The following CSNK1E variants were observed in gnomAD, a reference collection of about 807,000 sequenced individuals.
CSNK1E encodes casein kinase 1 epsilon.
Under a neutral mutation model 46.1 loss-of-function variants are expected in CSNK1E, and 17 were observed. That is an observed-to-expected ratio of 0.37 (90% CI 0.25 to 0.55). CSNK1E has a LOEUF of 0.55. CSNK1E is among the 20% of genes least tolerant of loss of function. The pLI, the probability that CSNK1E is intolerant of heterozygous loss-of-function variation, is 0.82. For missense variants in CSNK1E, 386 were observed against 595.4 expected, an observed-to-expected ratio of 0.65 and a Z score of 3.66; for synonymous variants, 241 against 242.6, an observed-to-expected ratio of 0.99 and a Z score of 0.06.
rs2092632258 is a variant in CSNK1E at position 38,294,974 on chromosome 22, C to G, written c.886-440G>C. Among the ~76,000 whole-genome samples the G allele has an allele frequency of 1.3e-5, 2 of 152,116 alleles. No homozygotes were observed. ...CCTCTAGCAGACTGGCTAGGGGTGT[C>G]CAGAGGGGGAAAAGAACAGGCCCAG... On this transcript the variant is annotated intron_variant, in intron 7 of 10. Coordinates refer to ENST00000396832, the MANE Select transcript of CSNK1E (RefSeq NM_152221.3). The surrounding 1 kb of genome is among the most constrained non-coding windows in gnomAD (Gnocchi z 5.5).
chr22:38,314,437 A>C (rs2092734621), intron 1 of CSNK1E, among the ~76,000 whole-genome samples: 1 of 152,136 alleles, frequency 6.6e-6, no homozygotes, highest in South Asian at 2.1e-4. Context: ...CCCTCAAAAG[A>C]AGCTTCTCAA....
In CSNK1E at chr22:38,294,591, C is replaced by T; in HGVS notation, c.886-57G>A. On this transcript the variant is annotated intron_variant, in intron 7 of 10. Transcript: ENST00000396832. The surrounding 1 kb of genome is among the most constrained non-coding windows in gnomAD (Gnocchi z 5.5). Reference sequence around the variant, plus strand: ...CCCCAGAGGCCAGGGTGCTCTGGGCCCAGCAGCCCTGCAGGGCACAGAAGG... The same window carrying T: ...CCCCAGAGGCCAGGGTGCTCTGGGCTCAGCAGCCCTGCAGGGCACAGAAGG... The T allele has an allele frequency of 6.7e-7, 1 of 1,494,830 alleles. No individual in the cohort carries two copies. Among genetic ancestry groups the T allele is most frequent in the Non-Finnish European group, 9.0e-7 (1 of 1,116,676 alleles). 92.6% of individuals were successfully genotyped at this position (1,494,830 alleles called of 1,614,324 possible). A position where few individuals can be genotyped will look rare whatever the true frequency, so the allele number is the denominator to read the frequency against.
chr22:38,293,259 G>A lies in CSNK1E; in HGVS notation c.*28C>T. The A allele has an allele frequency of 6.2e-7, 1 of 1,612,740 alleles. No individual in the cohort carries two copies. Among genetic ancestry groups the A allele is most frequent in the Non-Finnish European group, 8.5e-7 (1 of 1,179,408 alleles). ...CTGCAGCAGTCATGGACTCACCTAAGCAAACACTGGTCCAATGGGGGCTCT... is the reference window on the plus strand; with the variant it reads ...CTGCAGCAGTCATGGACTCACCTAAACAAACACTGGTCCAATGGGGGCTCT... On this transcript the variant is annotated 3_prime_UTR_variant, in exon 10 of 11. Coordinates refer to ENST00000396832, the MANE Select transcript of CSNK1E (RefSeq NM_152221.3).
At chr22:38,304,469 C>T (rs2092689139) in intron 2 of CSNK1E, among the ~76,000 whole-genome samples, 1 of 152,148 alleles carries the variant, frequency 6.6e-6, no homozygotes, top group South Asian at 2.1e-4. Context: ...TAAACAAACG[C>T]TCGCCCAAGC....
chr22:38,314,584 G>A (rs1374421274), intron 1 of CSNK1E, among the ~76,000 whole-genome samples: 1 of 152,214 alleles, frequency 6.6e-6, no homozygotes, highest in African/African-American at 2.4e-5. Flanking sequence ...GGAGAAAGTC[G>A]CATCCCCTAC....
At chr22:38,304,715 CT>C (rs2092690144) in intron 2 of CSNK1E, among the ~76,000 whole-genome samples, 1 of 152,214 alleles carries the variant, frequency 6.6e-6, no homozygotes, top group South Asian at 2.1e-4. Context: ...CAACAAACAT[CT>C]GTCACAGATG....
At chr22:38,311,308 T>C (rs1051716413) in intron 2 of CSNK1E, among the ~76,000 whole-genome samples, 15 of 152,274 alleles carry the variant, frequency 9.9e-5, no homozygotes, top group African/African-American at 3.4e-4. Flanking sequence ...CACCCAAACC[T>C]AGGTCGAATT....
At chr22:38,301,439 A>AT (rs963378902) in intron 4 of CSNK1E, among the ~76,000 whole-genome samples, 18 of 148,096 alleles carry the variant, frequency 1.2e-4, no homozygotes, top group South Asian at 2.2e-4. Flanking sequence ...TTCCTTTGAT[A>AT]TTTTTTTTTT....
chr22:38,297,853 G>C (rs1346858184), intron 7 of CSNK1E: 1 of 1,017,916 alleles, frequency 9.8e-7, no homozygotes, highest in Non-Finnish European at 1.2e-6. Flanking sequence ...CTCAGGCCTG[G>C]CCCCGATGGG....
Position 38,300,762 on chromosome 22 carries a change from G to A in CSNK1E, c.527C>T (p.Thr176Met). ...PYRENKNLTG[T>M]ARYASINTHL... ...CGTGTTGATGGAAGCGTAGCGGGCC[G>A]TGCCGGTCAGGTTCTTGTTTTCCCG... is the stretch of plus-strand genomic sequence containing the variant. The change falls in exon 5 of 11, where the codon ACG becomes ATG. Residue 176 changes from threonine (T) to methionine (M), a missense_variant. Physicochemically the swap from Thr to Met is moderately conservative, Grantham distance 81 (BLOSUM62 -1). This residue lies in a region of CSNK1E where 212 missense variants were observed against 410.2 expected (regional missense o/e 0.52). Coordinates refer to ENST00000396832, the MANE Select transcript of CSNK1E (RefSeq NM_152221.3). This position sits in a 1 kb window ranked among gnomAD's most constrained non-coding sequence, Gnocchi z 4.4. The A allele has an allele frequency of 1.2e-6, 2 of 1,614,236 alleles. No homozygotes were observed. Among genetic ancestry groups the A allele is most frequent in the Non-Finnish European group, 1.7e-6 (2 of 1,180,034 alleles).
At chr22:38,297,633 G>C in intron 7 of CSNK1E, 1 of 994,136 alleles carries the variant, frequency 1.0e-6, no homozygotes, top group Non-Finnish European at 1.2e-6. Context: ...ATGAGTTCTG[G>C]TTCAACACAG....
At chr22:38,315,824 T>C (rs2092742563) in intron 1 of CSNK1E, among the ~76,000 whole-genome samples, 2 of 152,064 alleles carry the variant, frequency 1.3e-5, no homozygotes, top group Non-Finnish European at 2.9e-5. Flanking sequence ...CTGGGTGTCT[T>C]ACATAAATAT....
intron 1 of CSNK1E, chr22:38,316,934 G>C (rs899523956): frequency 6.6e-6 from 1 of 151,552 alleles, no homozygotes; most frequent in South Asian, 2.1e-4. Flanking sequence ...GGCCTCCCCC[G>C]CGAGCCTGCA....
chr22:38,290,719 C>CA lies in CSNK1E; in HGVS notation c.*1251dup, dbSNP rs1475046439. 1.3e-5 allele frequency: 2 copies of CA among 152,340 alleles called. No individual in the cohort carries two copies. The highest frequency in any genetic ancestry group is 2.9e-5 in the Non-Finnish European group (2 of 68,012). 9.4% of individuals were successfully genotyped at this position (152,340 alleles called of 1,614,324 possible). The stretch of plus-strand genomic sequence containing the variant: ...CTTTATCTTTTCTACTTTATTACTT[C>CA]AAATTAACAACCACGATAAAGCTCA... On this transcript the variant is annotated 3_prime_UTR_variant, in exon 11 of 11. Transcript: ENST00000396832.
intron 1 of CSNK1E, among the ~76,000 whole-genome samples, chr22:38,316,192 C>T (rs1205435163): frequency 6.6e-6 from 1 of 152,204 alleles, no homozygotes; most frequent in Admixed American, 6.5e-5. Flanking sequence ...AAACTACCAA[C>T]CAGCATGGCA....
At chr22:38,293,653 C>T (rs1255819089) in intron 9 of CSNK1E, among the ~76,000 whole-genome samples, 1 of 152,140 alleles carries the variant, frequency 6.6e-6, no homozygotes, top group African/African-American at 2.4e-5. Flanking sequence ...TCTGCCAGGC[C>T]ACCTGCCCTG....
chr22:38,306,568 T>C (rs1186594554), intron 2 of CSNK1E, among the ~76,000 whole-genome samples: 2 of 151,982 alleles, frequency 1.3e-5, no homozygotes, highest in African/African-American at 4.8e-5. Flanking sequence ...CCATCTCCAT[T>C]AAAAGTACAA....
At position 38,302,842 on chromosome 22, in the gene CSNK1E, G is replaced by A. The variant is rs372280163; in HGVS notation, c.336+19C>T. The A allele has an allele frequency of 9.3e-6, 15 of 1,613,504 alleles. No individual in the cohort carries two copies. Among genetic ancestry groups the A allele is most frequent in the Non-Finnish European group, 1.3e-5 (15 of 1,179,654 alleles). On this transcript the variant is annotated intron_variant, in intron 4 of 10. Transcript: ENST00000396832. ...GGCCCACAGGCATCTGGCTGGGGAT[G>A]GAGGGGACGGGGACTCACCATCTGG...
upstream of CSNK1E, chr22:38,317,856 TGGA>T (rs1230853305): frequency 1.3e-5 from 2 of 152,244 alleles, no homozygotes; most frequent in Admixed American, 6.5e-5. Context: ...GTTAGACTGC[TGGA>T]GGCTCAGTCC....
Sources: allele counts gnomAD v4.1 joint callset (sites outside exome capture counted in the v4.1 genomes callset), GRCh38; gene constraint gnomAD v4.1.1; regional missense constraint gnomAD v4.1.1; non-coding constraint Gnocchi (gnomAD v3.1); transcripts MANE v1.5; gene names NCBI Gene and HGNC (gene_info 2026-07-23, HGNC 2026-07-21).